LRRTM4: variants seen among roughly 807,000 people sequenced by gnomAD.
LRRTM4 encodes the protein leucine rich repeat transmembrane neuronal 4.
Under a neutral mutation model 47.6 loss-of-function variants are expected in LRRTM4, and 25 were observed. The observed-to-expected ratio is 0.53, with a 90% CI of 0.38 to 0.73. The LOEUF is 0.73. Ranked by LOEUF, LRRTM4 falls within the 30% of genes least tolerant of loss-of-function variation. LRRTM4 has a pLI of 0.00. For missense variants in LRRTM4, 638 were observed against 713.4 expected (o/e 0.89, Z 1.20); for synonymous variants, 311 against 269.5 (o/e 1.15, Z -1.51).
At chr2:77,337,261 G>A (rs1671200362) in intron 3 of LRRTM4, among the ~76,000 whole-genome samples, 1 of 152,142 alleles carries the variant, frequency 6.6e-6, no homozygotes, top group East Asian at 1.9e-4. Flanking sequence ...CTCATTGTTT[G>A]GAAGAATCAA....
intron 3 of LRRTM4, among the ~76,000 whole-genome samples, chr2:76,801,097 C>A (rs1236434504): frequency 6.6e-6 from 1 of 151,884 alleles, no homozygotes; most frequent in East Asian, 1.9e-4. Flanking sequence ...TTGTGGAAGT[C>A]GGTGTGGCGA....
chr2:77,174,373 G>A (rs1489149269), intron 3 of LRRTM4, among the ~76,000 whole-genome samples: 1 of 152,206 alleles, frequency 6.6e-6, no homozygotes, highest in Admixed American at 6.5e-5. Context: ...GAAGTACAGA[G>A]ATGTTGGCTC....
chr2:77,385,089 T>C (rs1485717667), intron 3 of LRRTM4, among the ~76,000 whole-genome samples: 1 of 152,074 alleles, frequency 6.6e-6, no homozygotes, highest in Non-Finnish European at 1.5e-5. Context: ...AGGTAAATAA[T>C]AACATTGTTA....
At chr2:77,117,160 C>A (rs1274554278) in intron 3 of LRRTM4, among the ~76,000 whole-genome samples, 2 of 151,848 alleles carry the variant, frequency 1.3e-5, no homozygotes, top group Non-Finnish European at 2.9e-5. Flanking sequence ...AAATGGTATT[C>A]TTTTGTATGG....
chr2:77,304,025 A>T (rs2104171951), intron 3 of LRRTM4, among the ~76,000 whole-genome samples: 1 of 151,902 alleles, frequency 6.6e-6, no homozygotes, highest in South Asian at 2.1e-4. Context: ...TTTTTGAGAA[A>T]CCTCCATACT....
chr2:77,018,121 T>C (rs538881779), intron 3 of LRRTM4, among the ~76,000 whole-genome samples: 98 of 152,122 alleles, frequency 6.4e-4, no homozygotes, highest in African/African-American at 2.3e-3. Context: ...CCTTTTGATG[T>C]TTTTGAAATC....
intron 3 of LRRTM4, among the ~76,000 whole-genome samples, chr2:77,240,634 A>G (rs572387149): frequency 2.0e-5 from 3 of 152,018 alleles, no homozygotes; most frequent in Non-Finnish European, 4.4e-5. Flanking sequence ...ATTTATTTGA[A>G]GACAACATAA....
chr2:77,115,332 AT>A (rs1671360389), intron 3 of LRRTM4, among the ~76,000 whole-genome samples: 1 of 152,076 alleles, frequency 6.6e-6, no homozygotes, highest in African/African-American at 2.4e-5. Context: ...CTGGTTTCAT[AT>A]TGTTCAAACA....
At chr2:76,871,878 A>G (rs1007952014) in intron 3 of LRRTM4, among the ~76,000 whole-genome samples, 2 of 152,228 alleles carry the variant, frequency 1.3e-5, no homozygotes, top group Non-Finnish European at 2.9e-5. Flanking sequence ...CCCAAGTCAC[A>G]TGGCCTGCAA....
chr2:76,783,522 A>T (rs13007120), intron 3 of LRRTM4, among the ~76,000 whole-genome samples: 3,045 of 152,266 alleles, frequency 0.02, 42 homozygotes, highest in South Asian at 0.05. Context: ...CTCTGTACCT[A>T]TTAAGGCGTA....
chr2:77,381,100 G>A (rs1236979719), intron 3 of LRRTM4, among the ~76,000 whole-genome samples: 1 of 151,928 alleles, frequency 6.6e-6, no homozygotes, highest in Non-Finnish European at 1.5e-5. Flanking sequence ...GCATAAAGCA[G>A]TTATTTTGAT....
intron 3 of LRRTM4, among the ~76,000 whole-genome samples, chr2:77,340,468 A>G (rs2104273852): frequency 6.6e-6 from 1 of 152,140 alleles, no homozygotes; most frequent in African/African-American, 2.4e-5. Context: ...GTTCTTACTA[A>G]ACATTAGATA....
At chr2:77,116,643 A>G (rs1352663387) in intron 3 of LRRTM4, among the ~76,000 whole-genome samples, 5 of 152,128 alleles carry the variant, frequency 3.3e-5, no homozygotes, top group Non-Finnish European at 7.4e-5. Flanking sequence ...CCAGTGACTA[A>G]AAACAGTCAT....
At chr2:76,918,839 G>A (rs1031768418) in intron 3 of LRRTM4, among the ~76,000 whole-genome samples, 2 of 152,048 alleles carry the variant, frequency 1.3e-5, no homozygotes, top group Non-Finnish European at 2.9e-5. Flanking sequence ...TTAAGAGCAT[G>A]AATAAGAATG....
chr2:76,760,567 C>A (rs1377307515), intron 3 of LRRTM4, among the ~76,000 whole-genome samples: 1 of 151,878 alleles, frequency 6.6e-6, no homozygotes, highest in African/African-American at 2.4e-5. Context: ...CACATATGTA[C>A]AATAAACAGC....
In LRRTM4 at chr2:77,446,253, T is replaced by C. The variant is rs375284928; in HGVS notation, c.1551+72065A>G. On this transcript the variant is annotated intron_variant, in intron 3 of 3. Transcript: ENST00000409884. ...TGATATTTTGGTTCATACCATCGTT[T>C]GTAGAGAGTATTTTTGTGTATTGTA... Among the ~76,000 whole-genome samples the C allele has an allele frequency of 2.6e-5, 4 of 152,144 alleles. No homozygotes were observed. The South Asian group carries it at 8.3e-4, about 31-fold the overall frequency.
intron 3 of LRRTM4, among the ~76,000 whole-genome samples, chr2:77,439,694 A>G (rs1161424927): frequency 6.6e-6 from 1 of 152,212 alleles, no homozygotes; most frequent in African/African-American, 2.4e-5. Flanking sequence ...TATGTTAAGA[A>G]ACATATGAAC....
chr2:77,291,727 C>G (rs1361774755), intron 3 of LRRTM4, among the ~76,000 whole-genome samples: 3 of 151,890 alleles, frequency 2.0e-5, no homozygotes, highest in African/African-American at 7.3e-5. Flanking sequence ...CTTAGATAAA[C>G]CTATTATTAT....
chr2:77,197,516 T>G (rs1469568765), intron 3 of LRRTM4, among the ~76,000 whole-genome samples: 1 of 152,166 alleles, frequency 6.6e-6, no homozygotes, highest in African/African-American at 2.4e-5. Context: ...TCTTACAACT[T>G]TCTATTCTAA....
Sources: gnomAD v4.1 joint callset for allele counts (sites outside exome capture counted in the v4.1 genomes callset) on GRCh38, gnomAD v4.1.1 for gene constraint, MANE v1.5 for transcripts, NCBI Gene and HGNC (gene_info 2026-07-23, HGNC 2026-07-21) for gene names.